The following MPP4 variants were observed in gnomAD, a reference collection of about 807,000 sequenced individuals.
The protein encoded by MPP4 is MAGUK p55 scaffold protein 4, also known as MAGUK p55 subfamily member 4.
MPP4 carries 91 observed loss-of-function variants against 98.3 expected under a neutral mutation model. The ratio of observed to expected loss-of-function variants is 0.93; its 90% confidence interval spans 0.78 to 1.10. The LOEUF is 1.10. Ranked by LOEUF, MPP4 falls within the 50% of genes least tolerant of loss-of-function variation. The pLI is 0.00. For missense variants in MPP4, 744 were observed against 792.9 expected (o/e 0.94, Z 0.74); for synonymous variants, 261 against 271.8 (o/e 0.96, Z 0.39).
intron 16 of MPP4, among the ~76,000 whole-genome samples, chr2:201,657,601 G>GTTTTTTTTTTTTT (rs1393900511): frequency 1.9e-5 from 2 of 104,992 alleles, no homozygotes; most frequent in African/African-American, 7.6e-5. Context: ...TTTTTTTTTT[G>GTTTTTTTTTTTTT]TTTTTTTGTT....
chr2:201,665,886 C>A (rs553926835), intron 13 of MPP4: 1 of 152,426 alleles, frequency 6.6e-6, no homozygotes, highest in South Asian at 2.1e-4. Flanking sequence ...ATGTAAAAAA[C>A]TTTCATGCAT....
intron 4 of MPP4, among the ~76,000 whole-genome samples, chr2:201,689,952 G>A (rs2105947279): frequency 6.6e-6 from 1 of 152,270 alleles, no homozygotes; most frequent in South Asian, 2.1e-4. Context: ...AATGGAGTAC[G>A]AGACTTAGGA....
At position 201,694,608 on chromosome 2, in the gene MPP4, CTTTTTTTTT is replaced by C. The variant is rs777556505; in HGVS notation, c.-100-563_-100-555del. Among the ~76,000 whole-genome samples the C allele has an allele frequency of 8.9e-5, 7 of 78,870 alleles. No homozygotes were observed. The East Asian group carries it at 2.3e-3, about 26-fold the overall frequency. 51.7% of individuals were successfully genotyped at this position (78,870 alleles called of 152,430 possible). A position where few individuals can be genotyped will look rare whatever the true frequency, so the allele number is the denominator to read the frequency against. ...AGAGTCTGGACAGTTTTCTTTTTCC[CTTTTTTTTT>C]TTTTTTTTTTTTTTTTGAGACAGGG... On this transcript the variant is annotated intron_variant, in intron 1 of 21. Coordinates refer to ENST00000409474, the MANE Select transcript of MPP4 (RefSeq NM_033066.3).
chr2:201,653,856 C>T (rs796911899), intron 18 of MPP4, among the ~76,000 whole-genome samples: 2 of 152,074 alleles, frequency 1.3e-5, no homozygotes, highest in South Asian at 2.1e-4. Context: ...GTAAAAAACT[C>T]ACACAACTCT....
intron 11 of MPP4, chr2:201,673,485 G>T: frequency 5.3e-6 from 1 of 188,488 alleles, no homozygotes; most frequent in Non-Finnish European, 1.1e-5. Context: ...TGGGTTAATA[G>T]GTGCAGCAAA....
intron 11 of MPP4, among the ~76,000 whole-genome samples, chr2:201,674,080 T>G (rs902627130): frequency 1.3e-5 from 2 of 152,206 alleles, no homozygotes; most frequent in South Asian, 2.1e-4. Flanking sequence ...CAAACTGCAT[T>G]CATTAAGTAA....
At chr2:201,664,341 A>T (rs1055601802) in intron 13 of MPP4, 22 of 1,406,268 alleles carry the variant, frequency 1.6e-5, no homozygotes, top group Non-Finnish European at 2.0e-5. Flanking sequence ...CAGGAGCTCA[A>T]AATAAATAAA....
rs188148650 is a variant in MPP4 at position 201,657,334 on chromosome 2, A to C, written c.1130-966T>G. On this transcript the variant is annotated intron_variant, in intron 16 of 21. Coordinates refer to ENST00000409474, the MANE Select transcript of MPP4 (RefSeq NM_033066.3). Reference sequence around the variant, plus strand: ...TTCTAAGCTCCTAGATTCCTGCTTAATCTGCCTTTCGAATCATAGGGCTTT... The same window carrying C: ...TTCTAAGCTCCTAGATTCCTGCTTACTCTGCCTTTCGAATCATAGGGCTTT... Among the ~76,000 whole-genome samples, 9 of 152,314 alleles carry C rather than the reference A, an allele frequency of 5.9e-5. No individual in the cohort carries two copies. In the East Asian group the frequency reaches 1.2e-3, roughly 20 times the overall value.
At chr2:201,672,027 G>C (rs1187581061) in intron 11 of MPP4, among the ~76,000 whole-genome samples, 1 of 152,108 alleles carries the variant, frequency 6.6e-6, no homozygotes, top group Non-Finnish European at 1.5e-5. Context: ...AAATGCAAAA[G>C]AACGGAAATC....
chr2:201,649,458 C>T, intron 20 of MPP4, 118 bp downstream of exon 20: 1 of 700,836 alleles, frequency 1.4e-6, no homozygotes. Flanking sequence ...TGGGAAATGG[C>T]CTTATTCTTA....
chr2:201,651,812 G>A, intron 18 of MPP4: 1 of 343,970 alleles, frequency 2.9e-6, no homozygotes, highest in Non-Finnish European at 4.1e-6. Flanking sequence ...AAATTAGCTA[G>A]GCATGGTGAC....
intron 16 of MPP4, among the ~76,000 whole-genome samples, 200 bp downstream of exon 16, chr2:201,658,277 A>G (rs1258491289): frequency 1.3e-5 from 2 of 152,228 alleles, no homozygotes; most frequent in Non-Finnish European, 2.9e-5. Flanking sequence ...TAGATAACCC[A>G]GTGGAAATTA....
chr2:201,680,638 T>C, intron 10 of MPP4, 200 bp downstream of exon 10: 1 of 528,884 alleles, frequency 1.9e-6, no homozygotes, highest in East Asian at 2.9e-5. Flanking sequence ...TTCTAGCTGA[T>C]ATGATTATTC....
At position 201,679,200 on chromosome 2, in the gene MPP4, T is replaced by C. The variant is rs530372388; in HGVS notation, c.929+1638A>G. 5.3e-5 allele frequency among the ~76,000 whole-genome samples: 8 copies of C among 152,248 alleles called. No individual in the cohort carries two copies. The South Asian group carries it at 1.5e-3, about 28-fold the overall frequency. On this transcript the variant is annotated intron_variant, in intron 10 of 21. Transcript: ENST00000409474. ...TTTCCTCATCTCCCTCCTAAACAGC[T>C]TACATGTCACACTCCATCCTTATAA... is the stretch of plus-strand genomic sequence containing the variant.
At chr2:201,692,685 C>A (rs752408779) in intron 3 of MPP4, among the ~76,000 whole-genome samples, 2 of 152,144 alleles carry the variant, frequency 1.3e-5, no homozygotes, top group Non-Finnish European at 2.9e-5. Context: ...GAGGACATAG[C>A]AAGAAGTTAC....
In MPP4 at chr2:201,647,669, G is replaced by A. The variant is rs370785417; in HGVS notation, c.1719+22C>T. ...CGCAGAAGCCACTGAAAGCAATACA[G>A]TAGTTTTTGACTTGCTCTTACCTTG... On this transcript the variant is annotated intron_variant, in intron 21 of 21. Transcript: ENST00000409474. The A allele has an allele frequency of 2.5e-5, 40 of 1,610,700 alleles. 1 individual carries two copies. In the Middle Eastern group the frequency reaches 5.0e-4, roughly 20 times the overall value.
At chr2:201,675,070 A>G in intron 11 of MPP4, 137 bp downstream of exon 11, 1 of 1,019,522 alleles carries the variant, frequency 9.8e-7, no homozygotes, top group Non-Finnish European at 1.5e-6. Context: ...AGGGCCCTTC[A>G]AGGAGATTGA....
At chr2:201,653,273 G>A (rs1042377443) in intron 18 of MPP4, among the ~76,000 whole-genome samples, 1 of 152,034 alleles carries the variant, frequency 6.6e-6, no homozygotes, top group Middle Eastern at 3.2e-3. Flanking sequence ...GGTGTAATTC[G>A]GACACCATTC....
chr2:201,683,241 A>G (rs13402805), intron 7 of MPP4, among the ~76,000 whole-genome samples: 33,073 of 152,194 alleles, frequency 0.22, 3,747 homozygotes, highest in African/African-American at 0.28. Context: ...GTCATAAGTC[A>G]ACAACAAAAA....
Sources: allele counts gnomAD v4.1 joint callset (sites outside exome capture counted in the v4.1 genomes callset), GRCh38; gene constraint gnomAD v4.1.1; transcripts MANE v1.5; gene names NCBI Gene and HGNC (gene_info 2026-07-23, HGNC 2026-07-21).